Variants in FARP2 observed in about 807,000 individuals in gnomAD.
FARP2 encodes FERM, ARHGEF and pleckstrin domain-containing protein 2.
In FARP2, 111 loss-of-function variants were observed where a neutral mutation model predicts 130.5. The observed-to-expected ratio is 0.85, with a 90% CI of 0.73 to 1.00. The LOEUF (loss-of-function observed/expected upper bound fraction) is 1.00, where lower values mean the gene tolerates loss of function less well. FARP2 is among the 50% of genes least tolerant of loss of function. The pLI is 0.00. For synonymous variants in FARP2, 504 were observed against 516.9 expected, an observed-to-expected ratio of 0.98 and a Z score of 0.34; for missense variants, 1,385 against 1,346.3, an observed-to-expected ratio of 1.03 and a Z score of -0.45.
intron 13 of FARP2, among the ~76,000 whole-genome samples, chr2:241,453,491 G>A (rs1326174990): frequency 4.6e-5 from 7 of 151,660 alleles, no homozygotes; most frequent in Admixed American, 2.6e-4. Context: ...GCATGGTGGT[G>A]GGAGCCTGTA....
intron 1 of FARP2, among the ~76,000 whole-genome samples, chr2:241,365,468 C>T (rs1018032990): frequency 5.3e-5 from 8 of 152,132 alleles, no homozygotes; most frequent in East Asian, 1.9e-4. Context: ...AGTTAGCATT[C>T]GTATTTCTCT....
intron 1 of FARP2, among the ~76,000 whole-genome samples, 198 bp downstream of exon 1, chr2:241,356,586 T>G (rs2061071938): frequency 6.6e-6 from 1 of 151,972 alleles, no homozygotes; most frequent in Non-Finnish European, 1.5e-5. Context: ...TAGAGGAGCG[T>G]CCGTCTGTAG....
Position 241,483,450 on chromosome 2 carries a change from G to C in FARP2, c.2263-15G>C. 1 of 1,612,726 alleles carries C rather than the reference G, an allele frequency of 6.2e-7. No homozygotes were observed. The highest frequency in any genetic ancestry group is 1.1e-5 in the South Asian group (1 of 91,060). On this transcript the variant is annotated splice_polypyrimidine_tract_variant and intron_variant, in intron 19 of 26. Coordinates refer to ENST00000264042, the MANE Select transcript of FARP2 (RefSeq NM_014808.4). ...CCTCAGCCCGCTGAAAGGGGACTCT[G>C]TCTCTGTCTTTCAGGAGTTCATCCG...
chr2:241,434,238 T>G lies in FARP2; in HGVS notation c.948T>G (p.Tyr316Ter). ...CKNFWKICVEYHTFFRLLDQP... is the reference protein window; with the variant it reads ...CKNFWKICVE ...ACTTCTGGAAGATTTGTGTGGAGTA[T>G]CACACCTTTTTTAGACTTTTGGACC... is the stretch of plus-strand genomic sequence containing the variant. Residue 316 changes from tyrosine to a stop codon, truncating the protein, a stop_gained, in exon 10 of 27, where the codon TAT becomes TAG. Transcript: ENST00000264042. LOFTEE classifies it high-confidence loss of function. The G allele has an allele frequency of 6.2e-7, 1 of 1,613,850 alleles. No homozygotes were observed. Among genetic ancestry groups the G allele is most frequent in the Non-Finnish European group, 8.5e-7 (1 of 1,179,750 alleles).
Position 241,484,316 on chromosome 2 carries a change from C to A in FARP2, c.2406C>A (p.Pro802=). ...TSHFRIRGLL[P]LQGMLVEESD... ...ACTTCCGGATCCGGGGCCTCCTTCCCCTCCAAGGCATGCTGGTGAGTGGTC... is the reference window on the plus strand; with the variant it reads ...ACTTCCGGATCCGGGGCCTCCTTCCACTCCAAGGCATGCTGGTGAGTGGTC... Residue 802 remains proline, a synonymous_variant, in exon 21 of 27, where the codon CCC becomes CCA. Transcript: ENST00000264042. 1.2e-6 allele frequency: 2 copies of A among 1,614,084 alleles called. No homozygotes were observed. The highest frequency in any genetic ancestry group is 1.7e-6 in the Non-Finnish European group (2 of 1,179,960).
intron 4 of FARP2, among the ~76,000 whole-genome samples, chr2:241,406,286 C>T (rs1189262988): frequency 6.6e-6 from 1 of 151,236 alleles, no homozygotes; most frequent in Non-Finnish European, 1.5e-5. Flanking sequence ...CCAGCCTGGG[C>T]GACAGAGAGA....
intron 1 of FARP2, among the ~76,000 whole-genome samples, chr2:241,365,993 A>G (rs2061294776): frequency 1.4e-5 from 2 of 146,262 alleles, no homozygotes; most frequent in African/African-American, 5.0e-5. Flanking sequence ...TTTTTAATAT[A>G]AACAAATACA....
intron 17 of FARP2, chr2:241,466,652 G>C: frequency 1.0e-6 from 1 of 975,120 alleles, no homozygotes; most frequent in Non-Finnish European, 1.2e-6. Context: ...TCACCCCCAG[G>C]CAGCGGGCCA....
Position 241,494,065 on chromosome 2 carries a change from G to C in FARP2, c.3105G>C (p.Val1035=). 1 of 1,440,160 alleles carries C rather than the reference G, an allele frequency of 6.9e-7. No homozygotes were observed. Among genetic ancestry groups the C allele is most frequent in the Non-Finnish European group, 9.1e-7 (1 of 1,098,970 alleles). 89.2% of individuals were successfully genotyped at this position (1,440,160 alleles called of 1,614,324 possible). Residue 1035 remains valine, a synonymous_variant, in exon 27 of 27, where the codon GTG becomes GTC. Coordinates refer to ENST00000264042, the MANE Select transcript of FARP2 (RefSeq NM_014808.4). The surrounding 1 kb of genome is among the most constrained non-coding windows in gnomAD (Gnocchi z 4.9). ...SSSAGRAPSI[V]QDGPQPSSGL... is the part of the protein sequence containing the mutation. ...CAGCCGGGAGGGCCCCAAGCATCGT[G>C]CAGGATGGCCCCCAACCCTCCTCAG...
chr2:241,375,041 G>A (rs1259804953), intron 2 of FARP2, among the ~76,000 whole-genome samples: 1 of 152,110 alleles, frequency 6.6e-6, no homozygotes, highest in African/African-American at 2.4e-5. Flanking sequence ...CTGCCTCCCG[G>A]GTTCACACCA....
chr2:241,486,933 A>G (rs1018883406), intron 21 of FARP2, among the ~76,000 whole-genome samples: 1 of 152,168 alleles, frequency 6.6e-6, no homozygotes, highest in Admixed American at 6.5e-5. Flanking sequence ...TGGGTAAGGT[A>G]AGCAGCCCCA....
At position 241,367,091 on chromosome 2, in the gene FARP2, A is replaced by G. The variant is rs552973316; in HGVS notation, c.-24-5993A>G. The stretch of plus-strand genomic sequence containing the variant: ...GTTTGAGGGACAGGGTTGCCCACAT[A>G]TGGATCCTCCTCAGTGGTCAGCTCT... On this transcript the variant is annotated intron_variant, in intron 1 of 26. Coordinates refer to ENST00000264042, the MANE Select transcript of FARP2 (RefSeq NM_014808.4). Among the ~76,000 whole-genome samples, 4 of 152,218 alleles carry G rather than the reference A, an allele frequency of 2.6e-5. 1 individual carries two copies. The South Asian group carries it at 6.2e-4, about 24-fold the overall frequency.
Position 241,494,315 on chromosome 2 carries a change from A to C in FARP2, c.*190A>C, listed in dbSNP as rs1431781368. 1 of 397,930 alleles carries C rather than the reference A, an allele frequency of 2.5e-6. No individual in the cohort carries two copies. The highest frequency in any genetic ancestry group is 4.6e-6 in the Non-Finnish European group (1 of 218,006). The allele number at this position is 397,930 out of a possible 1,614,324, so 24.6% of individuals were successfully genotyped here. A position where few individuals can be genotyped will look rare whatever the true frequency, so the allele number is the denominator to read the frequency against. On this transcript the variant is annotated 3_prime_UTR_variant, in exon 27 of 27. Coordinates refer to ENST00000264042, the MANE Select transcript of FARP2 (RefSeq NM_014808.4). This position sits in a 1 kb window ranked among gnomAD's most constrained non-coding sequence, Gnocchi z 4.9. Reference sequence around the variant, plus strand: ...CATCCCCCCACCCAGGACCTAGTGCATGCCAGCAGCTATCTGGGGCCCTGG... The same window carrying C: ...CATCCCCCCACCCAGGACCTAGTGCCTGCCAGCAGCTATCTGGGGCCCTGG...
intron 2 of FARP2, among the ~76,000 whole-genome samples, chr2:241,378,406 T>G (rs2061587554): frequency 1.5e-5 from 2 of 134,662 alleles, no homozygotes; most frequent in Non-Finnish European, 3.2e-5. Context: ...CCAGCCACCA[T>G]GCCTGGCCTA....
rs1404586977 is a variant in FARP2 at position 241,484,303 on chromosome 2, G to C, written c.2393G>C (p.Arg798Pro). 23 of 1,613,802 alleles carry C rather than the reference G, an allele frequency of 1.4e-5. No homozygotes were observed. The highest frequency in any genetic ancestry group is 1.9e-5 in the Non-Finnish European group (23 of 1,179,846). ...GCAGGGACCAGCCACTTCCGGATCCGGGGCCTCCTTCCCCTCCAAGGCATG... is the reference window on the plus strand; with the variant it reads ...GCAGGGACCAGCCACTTCCGGATCCCGGGCCTCCTTCCCCTCCAAGGCATG... The part of the protein sequence containing the change: ...GVAGTSHFRI[R>P]GLLPLQGMLV... The change falls in exon 21 of 27, where the codon CGG becomes CCG. Residue 798 changes from arginine to proline, a missense_variant. Arg to Pro is a moderately radical substitution (Grantham distance 103). Coordinates refer to ENST00000264042, the MANE Select transcript of FARP2 (RefSeq NM_014808.4).
intron 21 of FARP2, among the ~76,000 whole-genome samples, chr2:241,486,188 G>A (rs905886218): frequency 8.3e-4 from 126 of 152,058 alleles, no homozygotes; most frequent in African/African-American, 2.9e-3. Context: ...GCTCACGCCT[G>A]TAATGCCAGC....
intron 1 of FARP2, chr2:241,372,515 G>A (rs2061446628): frequency 2.0e-5 from 3 of 152,220 alleles, no homozygotes; most frequent in South Asian, 4.1e-4. Context: ...CTCAGCTGGA[G>A]TAGCCCTTTA....
chr2:241,429,397 A>G (rs937199815), intron 8 of FARP2, among the ~76,000 whole-genome samples: 1 of 152,112 alleles, frequency 6.6e-6, no homozygotes, highest in Non-Finnish European at 1.5e-5. Context: ...CAGGGCAGTC[A>G]TTTTGTAGAA....
intron 2 of FARP2, among the ~76,000 whole-genome samples, chr2:241,399,637 A>G (rs985348098): frequency 2.0e-5 from 3 of 152,054 alleles, no homozygotes; most frequent in African/African-American, 4.8e-5. Context: ...TATTGCAACT[A>G]TCTTCTATTT....
Sources: allele counts gnomAD v4.1 joint callset (sites outside exome capture counted in the v4.1 genomes callset), GRCh38; gene constraint gnomAD v4.1.1; non-coding constraint Gnocchi (gnomAD v3.1); transcripts MANE v1.5; gene names NCBI Gene and HGNC (gene_info 2026-07-23, HGNC 2026-07-21).